The following ZNF384 variants were observed in gnomAD, a reference collection of about 807,000 sequenced individuals.
The protein encoded by ZNF384 is zinc finger protein 384, also known as CAG repeat protein 1.
In ZNF384, 20 loss-of-function variants were observed where a neutral mutation model predicts 65.0. The observed-to-expected ratio is 0.31, with a 90% CI of 0.22 to 0.45. The LOEUF is 0.45. Ranked by LOEUF, ZNF384 falls within the 20% of genes least tolerant of loss-of-function variation. The pLI, the probability that ZNF384 is intolerant of heterozygous loss-of-function variation, is 1.00. For missense variants in ZNF384, 549 were observed against 769.4 expected, an observed-to-expected ratio of 0.71 and a Z score of 3.39; for synonymous variants, 310 against 303.9, an observed-to-expected ratio of 1.02 and a Z score of -0.21.
At chr12:6,683,865 A>C (rs371337458) in intron 2 of ZNF384, among the ~76,000 whole-genome samples, 1 of 151,892 alleles carries the variant, frequency 6.6e-6, no homozygotes, top group Admixed American at 6.6e-5. Flanking sequence ...GAAAGTACAA[A>C]TATTAGCCAG....
chr12:6,683,639 G>A (rs1164731565), intron 2 of ZNF384, among the ~76,000 whole-genome samples: 7 of 146,808 alleles, frequency 4.8e-5, no homozygotes, highest in Non-Finnish European at 1.5e-5. Context: ...TCCAGCCTGG[G>A]TGACAGAGCA....
At chr12:6,676,263 T>C (rs1002848860) in intron 7 of ZNF384, among the ~76,000 whole-genome samples, 4 of 152,022 alleles carry the variant, frequency 2.6e-5, no homozygotes, top group Non-Finnish European at 4.4e-5. Flanking sequence ...ATTGTGCCAC[T>C]GCACACCAGC....
Position 6,679,540 on chromosome 12 carries a change from A to G in ZNF384, c.-5-15T>C. ...TTCCATTCTACCTGAAGAAAAAATG[A>G]GAGAACATGTCACACTCAGGAATTA... is the stretch of plus-strand genomic sequence containing the variant. On this transcript the variant is annotated splice_polypyrimidine_tract_variant and intron_variant, in intron 2 of 11. Coordinates refer to ENST00000683879, the MANE Select transcript of ZNF384 (RefSeq NM_001385745.1). The G allele has an allele frequency of 6.2e-7, 1 of 1,603,200 alleles. No homozygotes were observed. The highest frequency in any genetic ancestry group is 8.5e-7 in the Non-Finnish European group (1 of 1,170,376).
At chr12:6,679,275 T>C (rs1448137661) in intron 3 of ZNF384, 92 bp from the exon 4 acceptor site, 33 of 1,320,366 alleles carry the variant, frequency 2.5e-5, no homozygotes, top group Non-Finnish European at 3.5e-5. Context: ...CTGTCCTCCT[T>C]AGGGATCAAG....
chr12:6,676,360 T>TA (rs1396240400), intron 7 of ZNF384, among the ~76,000 whole-genome samples: 1 of 152,246 alleles, frequency 6.6e-6, no homozygotes, highest in African/African-American at 2.4e-5. Flanking sequence ...AAATTCTGTT[T>TA]ACCTAGGATA....
Position 6,679,060 on chromosome 12 carries a change from C to T in ZNF384, c.190G>A (p.Gly64Ser). Reference protein sequence around the residue: ...TVPASVSLPSGISMDTESKSD... With the variant: ...TVPASVSLPSSISMDTESKSD... ...TTGGACTCTGTGTCCATACTGATGC[C>T]TGAGGGCAGGGACACTGAGGCAGGC... Residue 64 changes from glycine to serine, a missense_variant, in exon 4 of 12, where the codon GGC (glycine) becomes AGC (serine). Physicochemically the swap from Gly to Ser is moderately conservative, Grantham distance 56. Transcript: ENST00000683879. The T allele has an allele frequency of 6.2e-7, 1 of 1,614,086 alleles. No homozygotes were observed. The highest frequency in any genetic ancestry group is 8.5e-7 in the Non-Finnish European group (1 of 1,180,010).
intron 2 of ZNF384, among the ~76,000 whole-genome samples, chr12:6,680,291 A>G (rs913840275): frequency 3.3e-5 from 5 of 152,166 alleles, no homozygotes; most frequent in Non-Finnish European, 7.4e-5. Flanking sequence ...GTTCCAACCA[A>G]TATGTCTACA....
chr12:6,671,592 C>T (rs1951513024), intron 9 of ZNF384: 1 of 152,278 alleles, frequency 6.6e-6, no homozygotes, highest in Admixed American at 6.5e-5. Context: ...CCTGACTCCT[C>T]CTCTTCTCAA....
Position 6,668,065 on chromosome 12 carries a change from C to T in ZNF384, c.1476G>A (p.Gln492=). The T allele has an allele frequency of 6.2e-7, 1 of 1,612,150 alleles. No individual in the cohort carries two copies. The highest frequency in any genetic ancestry group is 8.5e-7 in the Non-Finnish European group (1 of 1,178,694). The change falls in exon 12 of 12, where the codon CAG becomes CAA. Residue 492 remains glutamine, a synonymous_variant. Coordinates refer to ENST00000683879, the MANE Select transcript of ZNF384 (RefSeq NM_001385745.1). The stretch of plus-strand genomic sequence containing the variant: ...CTGCTGCTGCTGCCTGCACCTGTTG[C>T]TGAAGATCAGGCGGGTTGTGTTTGC... ...HMRKHNPPDL[Q]QQVQAAAAAA...
Position 6,686,670 on chromosome 12 carries a change from G to A in ZNF384, c.-6+1497C>T, listed in dbSNP as rs150744570. Among the ~76,000 whole-genome samples the A allele has an allele frequency of 2.2e-3, 334 of 152,246 alleles. 1 individual carries two copies. The highest frequency in any genetic ancestry group is 7.5e-3 in the African/African-American group (312 of 41,532). On this transcript the variant is annotated intron_variant, in intron 2 of 11. Transcript: ENST00000683879. ...CAGGATGGAGGATGGAAGAGGATGA[G>A]GCCTGTATAAATAAGTTTGTAAGGC...
intron 10 of ZNF384, 34 bp from the exon 11 acceptor site, chr12:6,669,223 T>C (rs1274356515): frequency 6.4e-7 from 1 of 1,572,356 alleles, no homozygotes; most frequent in Non-Finnish European, 8.7e-7. Context: ...AATGAATACA[T>C]TGTACTCTTT....
intron 10 of ZNF384, among the ~76,000 whole-genome samples, chr12:6,670,057 G>T (rs7980637): frequency 0.17 from 25,686 of 152,124 alleles, 5,303 homozygotes; most frequent in African/African-American, 0.5. Flanking sequence ...CCCTTACAGA[G>T]GTTACATGAT....
At chr12:6,670,949 G>A (rs1592366085) in intron 9 of ZNF384, 111 bp from the exon 10 acceptor site, 1 of 888,994 alleles carries the variant, frequency 1.1e-6, no homozygotes, top group Non-Finnish European at 1.8e-6. Flanking sequence ...CACATCAGAT[G>A]GGCCTCCAAG....
Position 6,672,284 on chromosome 12 carries a change from G to C in ZNF384, c.1187+66C>G, listed in dbSNP as rs1318716956. The stretch of plus-strand genomic sequence containing the variant: ...CCCCCGCATGCGGGTTGTTGTGTGT[G>C]TCCGGGGCGGGGGTGGGGAGGGCAT... On this transcript the variant is annotated intron_variant, in intron 9 of 11. Transcript: ENST00000683879. This position sits in a 1 kb window ranked among gnomAD's most constrained non-coding sequence, Gnocchi z 4.4. The C allele has an allele frequency of 4.6e-6, 7 of 1,515,792 alleles. 1 individual carries two copies. The East Asian group carries it at 1.6e-4, about 36-fold the overall frequency. The allele number at this position is 1,515,792 out of a possible 1,614,324, so 93.9% of individuals were successfully genotyped here.
Position 6,673,493 on chromosome 12 carries a change from T to C in ZNF384, c.780-53A>G, listed in dbSNP as rs1952317110. 2.6e-6 allele frequency: 4 copies of C among 1,537,502 alleles called. No homozygotes were observed. Among genetic ancestry groups the C allele is most frequent in the Non-Finnish European group, 2.7e-6 (3 of 1,121,204 alleles). Reference sequence around the variant, plus strand: ...ACCCTTCCCATCAAGAAGGTGTGGCTGAACCCTCCCCTCTACTTCCAAGAG... The same window carrying C: ...ACCCTTCCCATCAAGAAGGTGTGGCCGAACCCTCCCCTCTACTTCCAAGAG... On this transcript the variant is annotated intron_variant, in intron 7 of 11. Transcript: ENST00000683879. The surrounding 1 kb of genome is among the most constrained non-coding windows in gnomAD (Gnocchi z 4.7).
Position 6,677,164 on chromosome 12 carries a change from T to G in ZNF384, c.779+3A>C, listed in dbSNP as rs1448320373. On this transcript the variant is annotated splice_donor_region_variant and intron_variant, in intron 7 of 11. Transcript: ENST00000683879. ...GAGGCCCAGAGAGGGGAAAAGGACTTGCCCAGGGTCACACAGCAAATTCGT... is the reference window on the plus strand; with the variant it reads ...GAGGCCCAGAGAGGGGAAAAGGACTGGCCCAGGGTCACACAGCAAATTCGT... 1.1e-6 allele frequency: 1 copy of G among 947,564 alleles called. No homozygotes were observed. Among genetic ancestry groups the G allele is most frequent in the Admixed American group, 2.3e-5 (1 of 42,754 alleles). The allele number at this position is 947,564 out of a possible 1,614,324, so 58.7% of individuals were successfully genotyped here.
Position 6,670,745 on chromosome 12 carries a change from G to A in ZNF384, c.1266+15C>T, listed in dbSNP as rs201848330. 1 of 1,613,216 alleles carries A rather than the reference G, an allele frequency of 6.2e-7. No homozygotes were observed. The highest frequency in any genetic ancestry group is 1.7e-5 in the Admixed American group (1 of 60,024). On this transcript the variant is annotated intron_variant, in intron 10 of 11. Coordinates refer to ENST00000683879, the MANE Select transcript of ZNF384 (RefSeq NM_001385745.1). ...TCTCAGACTCAAGGTCTTGTGTGGA[G>A]GGTGGAACATTTACCTGCAGATTGG...
At chr12:6,680,356 T>G (rs1955467658) in intron 2 of ZNF384, among the ~76,000 whole-genome samples, 1 of 152,020 alleles carries the variant, frequency 6.6e-6, no homozygotes. Context: ...CTAAGAAAAT[T>G]AAAAAATGAA....
At position 6,668,046 on chromosome 12, in the gene ZNF384, C is replaced by T; in HGVS notation, c.1495G>A (p.Ala499Thr). 1.2e-6 allele frequency: 2 copies of T among 1,613,600 alleles called. No homozygotes were observed. The highest frequency in any genetic ancestry group is 1.7e-6 in the Non-Finnish European group (2 of 1,179,694). The change falls in exon 12 of 12, where the codon GCA (alanine) becomes ACA (threonine). Residue 499 changes from alanine (A) to threonine (T), a missense_variant. Transcript: ENST00000683879. ...GCCTGGGCCACTGCTGCCGCTGCTG[C>T]TGCTGCCTGCACCTGTTGCTGAAGA... ...PDLQQQVQAA[A>T]AAAAVAQAQA...
Sources: allele counts gnomAD v4.1 joint callset (sites outside exome capture counted in the v4.1 genomes callset), GRCh38; gene constraint gnomAD v4.1.1; non-coding constraint Gnocchi (gnomAD v3.1); transcripts MANE v1.5; gene names NCBI Gene and HGNC (gene_info 2026-07-23, HGNC 2026-07-21).